WFDC13: variants seen among roughly 807,000 people sequenced by gnomAD.
The protein encoded by WFDC13 is WAP four-disulfide core domain 13, also known as WAP four-disulfide core domain protein 13.
Under a neutral mutation model 10.9 loss-of-function variants are expected in WFDC13, and 6 were observed. The observed-to-expected ratio is 0.55, with a 90% CI of 0.30 to 1.09. The LOEUF (loss-of-function observed/expected upper bound fraction) is 1.09, where lower values mean the gene tolerates loss of function less well. WFDC13 is among the 50% of genes least tolerant of loss of function. The probability of loss-of-function intolerance (pLI) is 0.06; values close to 1 mark genes in which losing one functional copy is unlikely to be tolerated. For synonymous variants in WFDC13, 38 were observed against 39.5 expected, an observed-to-expected ratio of 0.96 and a Z score of 0.14; for missense variants, 104 against 109.6, an observed-to-expected ratio of 0.95 and a Z score of 0.23.
intron 1 of WFDC13, among the ~76,000 whole-genome samples, chr20:45,702,954 G>A (rs1461231645): frequency 1.3e-5 from 2 of 152,184 alleles, no homozygotes; most frequent in Non-Finnish European, 2.9e-5. Context: ...TGTCTGGGGA[G>A]GCTAGGTCCT....
intron 2 of WFDC13, 58 bp downstream of exon 2, chr20:45,704,652 A>G (rs1953726076): frequency 1.3e-6 from 2 of 1,591,274 alleles, no homozygotes; most frequent in Non-Finnish European, 1.7e-6. Flanking sequence ...AGCCCAGCAG[A>G]AGAGTCCCTT....
chr20:45,705,382 T>A (rs79503860), intron 2 of WFDC13, among the ~76,000 whole-genome samples: 1 of 152,184 alleles, frequency 6.6e-6, no homozygotes, highest in Admixed American at 6.5e-5. Flanking sequence ...CAGCATGAGA[T>A]AATGTGCAGA....
rs866757607 is a variant in WFDC13, at chr20:45,704,468, G to A, written c.113G>A (p.Cys38Tyr). 6.2e-7 allele frequency: 1 copy of A among 1,613,956 alleles called. No individual in the cohort carries two copies. Among genetic ancestry groups the A allele is most frequent in the African/African-American group, 1.3e-5 (1 of 75,012 alleles). Residue 38 changes from cysteine (C) to tyrosine (Y), a missense_variant, in exon 2 of 4, where the codon TGC becomes TAC. Coordinates refer to ENST00000305479, the MANE Select transcript of WFDC13 (RefSeq NM_172005.2). ...GAGTATATCTTGGAACCTCCACCCTGCATATCAGCACCTGAAAACTGTACT... is the reference window on the plus strand; with the variant it reads ...GAGTATATCTTGGAACCTCCACCCTACATATCAGCACCTGAAAACTGTACT... ...VLKYILEPPP[C>Y]ISAPENCTHL...
chr20:45,704,688 T>A, intron 2 of WFDC13, 94 bp downstream of exon 2: 2 of 106,436 alleles, frequency 1.9e-5, no homozygotes, highest in Non-Finnish European at 2.5e-5. Context: ...GGATCTCTCC[T>A]TTTTTTTTTT....
In WFDC13 at chr20:45,705,055, C is replaced by G. The variant is rs781442035; in HGVS notation, c.239+461C>G. 25 of 1,530,784 alleles carry G rather than the reference C, an allele frequency of 1.6e-5. No homozygotes were observed. In the East Asian group the frequency reaches 4.3e-4, roughly 26 times the overall value. The allele number at this position is 1,530,784 out of a possible 1,614,324, so 94.8% of individuals were successfully genotyped here. On this transcript the variant is annotated intron_variant, in intron 2 of 3. Transcript: ENST00000305479. Reference sequence around the variant, plus strand: ...CCCAAAGGAAGTTTTGATTAATTGTCCAGACATTAACACTAGCCGCAAGCC... The same window carrying G: ...CCCAAAGGAAGTTTTGATTAATTGTGCAGACATTAACACTAGCCGCAAGCC...
At chr20:45,707,312 C>A (rs1310225906) in intron 3 of WFDC13, among the ~76,000 whole-genome samples, 1 of 152,168 alleles carries the variant, frequency 6.6e-6, no homozygotes, top group Non-Finnish European at 1.5e-5. Flanking sequence ...TCTTTTACTA[C>A]CAGAAACTGA....
At position 45,704,510 on chromosome 20, in the gene WFDC13, A is replaced by G; in HGVS notation, c.155A>G (p.Gln52Arg). The G allele has an allele frequency of 1.2e-6, 2 of 1,614,212 alleles. No homozygotes were observed. Among genetic ancestry groups the G allele is most frequent in the Non-Finnish European group, 1.7e-6 (2 of 1,180,030 alleles). The change falls in exon 2 of 4, where the codon CAG (glutamine) becomes CGG (arginine). Residue 52 changes from glutamine to arginine, a missense_variant. Gln to Arg is a conservative substitution (Grantham distance 43, BLOSUM62 1). Transcript: ENST00000305479. ...AACTGTACTCACCTGTGTACAATGCAGGAAGATTGCGAGAAAGGATTTCAG... is the reference window on the plus strand; with the variant it reads ...AACTGTACTCACCTGTGTACAATGCGGGAAGATTGCGAGAAAGGATTTCAG... ...PENCTHLCTM[Q>R]EDCEKGFQCC...
Position 45,705,884 on chromosome 20 carries a change from A to T in WFDC13, c.261A>T (p.Glu87Asp). The part of the protein sequence containing the change: ...KRNRIKHKGS[E>D]VIMPAN ...ACAGAATCAAACACAAGGGCTCAGA[A>T]GTCATCATGCCTGCCAACTGAGGCA... Residue 87 changes from glutamate (E) to aspartate (D), a missense_variant, in exon 3 of 4, where the codon GAA becomes GAT. Glu to Asp is a conservative substitution (Grantham distance 45). Coordinates refer to ENST00000305479, the MANE Select transcript of WFDC13 (RefSeq NM_172005.2). The T allele has an allele frequency of 6.2e-7, 1 of 1,614,084 alleles. No homozygotes were observed. The highest frequency in any genetic ancestry group is 8.5e-7 in the Non-Finnish European group (1 of 1,179,996).
rs778093417 is a variant in WFDC13 at position 45,702,242 on chromosome 20, A to C, written c.88+31A>C. ...TGCTGGATCTGGGCCCAAGGAGGGA[A>C]GTAACATGTGTGGATAGGAGAGGAT... On this transcript the variant is annotated intron_variant, in intron 1 of 3. Coordinates refer to ENST00000305479, the MANE Select transcript of WFDC13 (RefSeq NM_172005.2). 6 of 1,595,190 alleles carry C rather than the reference A, an allele frequency of 3.8e-6. No homozygotes were observed. The Middle Eastern group carries it at 6.6e-4, about 176-fold the overall frequency.
Position 45,704,427 on chromosome 20 carries a change from C to T in WFDC13, c.89-17C>T. On this transcript the variant is annotated splice_polypyrimidine_tract_variant and intron_variant, in intron 1 of 3. Coordinates refer to ENST00000305479, the MANE Select transcript of WFDC13 (RefSeq NM_172005.2). ...GCCTGTTGGTGAGGCCCTTCTCTTA[C>T]TTGTTCTGTGTTCCAGAGTATATCT... 1 of 1,607,062 alleles carries T rather than the reference C, an allele frequency of 6.2e-7. No homozygotes were observed. Among genetic ancestry groups the T allele is most frequent in the Non-Finnish European group, 8.5e-7 (1 of 1,176,848 alleles).
chr20:45,705,510 A>C (rs1984355993), intron 2 of WFDC13, among the ~76,000 whole-genome samples: 1 of 152,232 alleles, frequency 6.6e-6, no homozygotes, highest in African/African-American at 2.4e-5. Context: ...CAACTTCCTC[A>C]TCCTTAAGAC....
chr20:45,705,484 A>G (rs1393680399), intron 2 of WFDC13, among the ~76,000 whole-genome samples: 1 of 152,170 alleles, frequency 6.6e-6, no homozygotes, highest in African/African-American at 2.4e-5. Context: ...AAGCTAATTA[A>G]CCTCTCTCTG....
chr20:45,702,911 G>A (rs749780833), intron 1 of WFDC13, among the ~76,000 whole-genome samples: 4 of 152,150 alleles, frequency 2.6e-5, no homozygotes, highest in Admixed American at 6.5e-5. Context: ...GAATACTGGC[G>A]GCTCAGAAGA....
intron 3 of WFDC13, among the ~76,000 whole-genome samples, chr20:45,706,665 A>G (rs1297436987): frequency 1.3e-5 from 2 of 152,010 alleles, no homozygotes; most frequent in East Asian, 1.9e-4. Flanking sequence ...CCAGCTACTC[A>G]GGAGGCTGAA....
chr20:45,703,399 T>G (rs918119202), intron 1 of WFDC13, among the ~76,000 whole-genome samples: 1 of 152,236 alleles, frequency 6.6e-6, no homozygotes, highest in African/African-American at 2.4e-5. Context: ...ACTACAGTTA[T>G]AGTCATGACC....
intron 1 of WFDC13, among the ~76,000 whole-genome samples, chr20:45,702,442 G>T (rs186351221): frequency 1.9e-4 from 29 of 152,352 alleles, no homozygotes; most frequent in African/African-American, 7.0e-4. Context: ...GAGGAGAACA[G>T]ATAATGCATG....
intron 3 of WFDC13, among the ~76,000 whole-genome samples, chr20:45,706,177 A>G (rs1438554040): frequency 6.6e-6 from 1 of 152,054 alleles, no homozygotes; most frequent in African/African-American, 2.4e-5. Flanking sequence ...CCCAGGGGGA[A>G]CCCAGGGCAC....
chr20:45,702,178 C>T lies in WFDC13; in HGVS notation c.55C>T (p.Leu19=). 1 of 1,613,246 alleles carries T rather than the reference C, an allele frequency of 6.2e-7. No homozygotes were observed. The highest frequency in any genetic ancestry group is 8.5e-7 in the Non-Finnish European group (1 of 1,179,702). ...FLVVFCLALQ[L]VPGSPKQRVL... is the part of the protein sequence containing the mutation. ...GGTGGTGTTCTGCCTAGCACTGCAG[C>T]TGGTGCCTGGGAGTCCCAAGCAGCG... The change falls in exon 1 of 4, where the codon CTG becomes TTG. Residue 19 remains leucine (L), a synonymous_variant. Coordinates refer to ENST00000305479, the MANE Select transcript of WFDC13 (RefSeq NM_172005.2).
intron 3 of WFDC13, among the ~76,000 whole-genome samples, chr20:45,707,258 C>T (rs1040610915): frequency 1.3e-5 from 2 of 152,136 alleles, no homozygotes; most frequent in African/African-American, 4.8e-5. Flanking sequence ...ACCTAGTGAC[C>T]CCTGATCCAG....
Sources: gnomAD v4.1 joint callset for allele counts (sites outside exome capture counted in the v4.1 genomes callset) on GRCh38, gnomAD v4.1.1 for gene constraint, MANE v1.5 for transcripts, NCBI Gene and HGNC (gene_info 2026-07-23, HGNC 2026-07-21) for gene names.